The following SLC25A27 variants were observed in gnomAD, a reference collection of about 807,000 sequenced individuals.
SLC25A27 encodes mitochondrial uncoupling protein 4.
In SLC25A27, 35 loss-of-function variants were observed where a neutral mutation model predicts 49.1. The observed-to-expected ratio is 0.71, with a 90% CI of 0.54 to 0.95. The LOEUF is 0.95. Among genes scored for constraint, SLC25A27 ranks in the 40% least tolerant of loss-of-function variants. The probability of loss-of-function intolerance (pLI) is 0.00; values close to 1 mark genes in which losing one functional copy is unlikely to be tolerated. For synonymous variants in SLC25A27, 144 were observed against 136.9 expected (o/e 1.05, Z -0.36); for missense variants, 339 against 397.1 (o/e 0.85, Z 1.24).
chr6:46,653,174 C>G lies in SLC25A27; in HGVS notation c.-19C>G. 3.1e-6 allele frequency: 5 copies of G among 1,605,622 alleles called. No individual in the cohort carries two copies. The highest frequency in any genetic ancestry group is 4.3e-6 in the Non-Finnish European group (5 of 1,173,864). On this transcript the variant is annotated 5_prime_UTR_variant, in exon 1 of 9. In the 5' UTR this introduces an upstream ATG that the reference lacks. Coordinates refer to ENST00000371347, the MANE Select transcript of SLC25A27 (RefSeq NM_004277.5). The stretch of plus-strand genomic sequence containing the variant: ...GCAGCGGCGAGAAGGAGTGCGTTAT[C>G]GTCTTGCGCTACTGCTGAATGTCCG...
intron 8 of SLC25A27, among the ~76,000 whole-genome samples, 171 bp from the exon 9 acceptor site, chr6:46,676,212 A>C (rs917734332): frequency 2.0e-5 from 3 of 152,238 alleles, no homozygotes; most frequent in African/African-American, 7.2e-5. Flanking sequence ...ATAAGACATA[A>C]AAAATGCTTT....
chr6:46,662,850 C>T lies in SLC25A27; in HGVS notation c.506+352C>T, dbSNP rs115954777. 5.6e-4 allele frequency among the ~76,000 whole-genome samples: 86 copies of T among 152,298 alleles called. 1 individual carries two copies. The highest frequency in any genetic ancestry group is 3.4e-3 in the Middle Eastern group (1 of 294). On this transcript the variant is annotated intron_variant, in intron 4 of 8. Coordinates refer to ENST00000371347, the MANE Select transcript of SLC25A27 (RefSeq NM_004277.5). The stretch of plus-strand genomic sequence containing the variant: ...GCTTGGTGTTGTGGAAGTCACTTAA[C>T]ATTTCTGGTCTCTTGGGTTTTCATC...
chr6:46,656,359 T>TG (rs1225288157), intron 2 of SLC25A27, among the ~76,000 whole-genome samples: 1 of 151,038 alleles, frequency 6.6e-6, no homozygotes, highest in Non-Finnish European at 1.5e-5. Flanking sequence ...TTTTTTTTTT[T>TG]TTTTTTTAGA....
At chr6:46,662,939 A>G (rs1321967919) in intron 4 of SLC25A27, among the ~76,000 whole-genome samples, 4 of 152,164 alleles carry the variant, frequency 2.6e-5, no homozygotes, top group Non-Finnish European at 4.4e-5. Context: ...TTAGTGTGAA[A>G]AACCTTGCTT....
intron 2 of SLC25A27, among the ~76,000 whole-genome samples, chr6:46,657,881 A>G (rs1763037986): frequency 6.6e-6 from 1 of 152,194 alleles, no homozygotes; most frequent in South Asian, 2.1e-4. Flanking sequence ...CTAACTAGCT[A>G]TGTGGGCCTT....
In SLC25A27 at chr6:46,668,737, C is replaced by G. The variant is rs1582510440; in HGVS notation, c.648C>G (p.His216Gln). ...TAACCACTTATGATACAGTGAAACACTACTTGGTATTGAATACACCACTTG... is the reference window on the plus strand; with the variant it reads ...TAACCACTTATGATACAGTGAAACAGTACTTGGTATTGAATACACCACTTG... ...GDLTTYDTVK[H>Q]YLVLNTPLED... Residue 216 changes from histidine to glutamine, a missense_variant, in exon 6 of 9, where the codon CAC becomes CAG. His to Gln is a conservative substitution (Grantham distance 24). Transcript: ENST00000371347. 1 of 1,608,236 alleles carries G rather than the reference C, an allele frequency of 6.2e-7. No homozygotes were observed. The highest frequency in any genetic ancestry group is 8.5e-7 in the Non-Finnish European group (1 of 1,175,054).
intron 2 of SLC25A27, chr6:46,658,614 A>C: frequency 2.6e-6 from 1 of 388,408 alleles, no homozygotes; most frequent in Non-Finnish European, 4.9e-6. Flanking sequence ...AAGATAAGCA[A>C]GAAGAGTTAA....
chr6:46,675,397 A>C (rs1001678843), intron 8 of SLC25A27, among the ~76,000 whole-genome samples: 1 of 152,166 alleles, frequency 6.6e-6, no homozygotes, highest in Non-Finnish European at 1.5e-5. Flanking sequence ...TCGTAGCTTT[A>C]TATTCCTTAT....
rs573724704 is a variant in SLC25A27, at chr6:46,653,140, C to T, written c.-53C>T. The T allele has an allele frequency of 9.8e-5, 150 of 1,536,480 alleles. No homozygotes were observed. Among genetic ancestry groups the T allele is most frequent in the Non-Finnish European group, 1.3e-4 (140 of 1,119,098 alleles). ...TGGCAGGGAAGCGGCCGCCGCGGCG[C>T]GGTGCAGCGCAGCGGCGAGAAGGAG... On this transcript the variant is annotated 5_prime_UTR_variant, in exon 1 of 9. Coordinates refer to ENST00000371347, the MANE Select transcript of SLC25A27 (RefSeq NM_004277.5).
At position 46,678,096 on chromosome 6, in the gene SLC25A27, C is replaced by T. The variant is rs1303381741; in HGVS notation, c.*1642C>T. On this transcript the variant is annotated 3_prime_UTR_variant, in exon 9 of 9. Coordinates refer to ENST00000371347, the MANE Select transcript of SLC25A27 (RefSeq NM_004277.5). ...ACTTCCCAAGTGTTCTGCATTGAACCACTTAGGGAAAATTTTGTTTGTTTT... is the reference window on the plus strand; with the variant it reads ...ACTTCCCAAGTGTTCTGCATTGAACTACTTAGGGAAAATTTTGTTTGTTTT... 7.5e-6 allele frequency: 1 copy of T among 133,266 alleles called. No individual in the cohort carries two copies. Among genetic ancestry groups the T allele is most frequent in the Non-Finnish European group, 1.6e-5 (1 of 63,640 alleles). 8.3% of individuals were successfully genotyped at this position (133,266 alleles called of 1,614,324 possible). A position where few individuals can be genotyped will look rare whatever the true frequency, so the allele number is the denominator to read the frequency against.
At chr6:46,655,535 G>GGTTTTTTTTTT (rs1562033662) in intron 1 of SLC25A27, among the ~76,000 whole-genome samples, 6 of 10,708 alleles carry the variant, frequency 5.6e-4, no homozygotes, top group Admixed American at 1.3e-3. Flanking sequence ...GTTAATGTTT[G>GGTTTTTTTTTT]TTTTTTTTTT....
In SLC25A27 at chr6:46,676,878, T is replaced by C; in HGVS notation, c.*424T>C. On this transcript the variant is annotated 3_prime_UTR_variant, in exon 9 of 9. Transcript: ENST00000371347. ...ACATACATAGTGCTTAAGAAATACA[T>C]TTAACCTGTTATGTCAGTATTTATC... 1.7e-6 allele frequency: 1 copy of C among 579,920 alleles called. No individual in the cohort carries two copies. The highest frequency in any genetic ancestry group is 3.1e-6 in the Non-Finnish European group (1 of 325,944). The allele number at this position is 579,920 out of a possible 1,614,324, so 35.9% of individuals were successfully genotyped here.
Position 46,664,804 on chromosome 6 carries a change from A to C in SLC25A27, c.537A>C (p.Lys179Asn). 1 of 1,609,126 alleles carries C rather than the reference A, an allele frequency of 6.2e-7. No homozygotes were observed. The highest frequency in any genetic ancestry group is 8.5e-7 in the Non-Finnish European group (1 of 1,177,380). ...GTGGTGTACATCATGCATTTGCAAA[A>C]ATCTTAGCTGAAGGAGGAATACGAG... ...RFRGVHHAFA[K>N]ILAEGGIRGL... Residue 179 changes from lysine to asparagine, a missense_variant, in exon 5 of 9, where the codon AAA becomes AAC. Transcript: ENST00000371347.
intron 1 of SLC25A27, 82 bp downstream of exon 1, chr6:46,653,380 C>G (rs1036251684): frequency 5.4e-6 from 8 of 1,483,268 alleles, no homozygotes; most frequent in East Asian, 2.5e-5. Context: ...GCTTCGCGCC[C>G]GGCAGTGCGC....
At chr6:46,676,339 A>C in intron 8 of SLC25A27, 44 bp from the exon 9 acceptor site, 1 of 1,570,914 alleles carries the variant, frequency 6.4e-7, no homozygotes, top group Non-Finnish European at 8.7e-7. Context: ...GACTATTTAT[A>C]ATTGCTTTGA....
chr6:46,664,907 T>G (rs1228243795), intron 5 of SLC25A27, 21 bp downstream of exon 5: 1 of 1,339,992 alleles, frequency 7.5e-7, no homozygotes, highest in Admixed American at 2.1e-5. Context: ...CTTTGTTAAA[T>G]TCTAAAAAGT....
intron 1 of SLC25A27, 25 bp downstream of exon 1, chr6:46,653,323 C>A: frequency 6.3e-7 from 1 of 1,598,088 alleles, no homozygotes; most frequent in South Asian, 1.1e-5. Flanking sequence ...ACGCCTGGGC[C>A]TCCCGGGCCA....
At chr6:46,665,547 G>A (rs564094598) in intron 5 of SLC25A27, among the ~76,000 whole-genome samples, 2 of 152,204 alleles carry the variant, frequency 1.3e-5, no homozygotes, top group African/African-American at 4.8e-5. Flanking sequence ...TTAGCCAGGT[G>A]TGGTGGCAGG....
Position 46,676,553 on chromosome 6 carries a change from G to A in SLC25A27, c.*99G>A. 1 of 1,602,628 alleles carries A rather than the reference G, an allele frequency of 6.2e-7. No individual in the cohort carries two copies. Among genetic ancestry groups the A allele is most frequent in the Middle Eastern group, 1.7e-4 (1 of 6,050 alleles). On this transcript the variant is annotated 3_prime_UTR_variant, in exon 9 of 9. Coordinates refer to ENST00000371347, the MANE Select transcript of SLC25A27 (RefSeq NM_004277.5). ...CCTATTATTTCTACCTCTTTAGGAA[G>A]ACACCTATTCCACAGAGACTGATTT...
Sources: gnomAD v4.1 joint callset for allele counts (sites outside exome capture counted in the v4.1 genomes callset) on GRCh38, gnomAD v4.1.1 for gene constraint, MANE v1.5 for transcripts, NCBI Gene and HGNC (gene_info 2026-07-23, HGNC 2026-07-21) for gene names.